Variants in ELMO1 observed in about 807,000 individuals in gnomAD.
ELMO1 encodes the protein engulfment and cell motility 1, also known as engulfment and cell motility protein 1.
In ELMO1, 26 loss-of-function variants were observed where a neutral mutation model predicts 98.9. That is an observed-to-expected ratio of 0.26 (90% CI 0.19 to 0.36). ELMO1 has a LOEUF of 0.36. ELMO1 is among the 10% of genes least tolerant of loss of function. The probability of loss-of-function intolerance (pLI) is 1.00; values close to 1 mark genes in which losing one functional copy is unlikely to be tolerated. For synonymous variants in ELMO1, 346 were observed against 346.0 expected (o/e 1.00, Z 0.00); for missense variants, 627 against 935.2 (o/e 0.67, Z 4.30).
chr7:37,022,115 A>C (rs1434143280), intron 15 of ELMO1, among the ~76,000 whole-genome samples: 1 of 152,194 alleles, frequency 6.6e-6, no homozygotes, highest in Non-Finnish European at 1.5e-5. Flanking sequence ...TTCTGCGTGG[A>C]TTATAGATCT....
At chr7:37,239,340 T>C (rs1464753895) in intron 7 of ELMO1, among the ~76,000 whole-genome samples, 1 of 152,142 alleles carries the variant, frequency 6.6e-6, no homozygotes, top group African/African-American at 2.4e-5. Context: ...AATTTTTTTG[T>C]ATTTTTAGTA....
rs770856089 is a variant in ELMO1 at position 36,853,712 on chromosome 7, G to T, written c.*1839C>A. Among the ~76,000 whole-genome samples the T allele has an allele frequency of 1.3e-5, 2 of 152,210 alleles. No homozygotes were observed. The highest frequency in any genetic ancestry group is 2.9e-5 in the Non-Finnish European group (2 of 68,042). ...AATTGCACATCCTGATGACGGTAAA[G>T]AGAAATGACCTGGATGCTTCCACAG... On this transcript the variant is annotated 3_prime_UTR_variant, in exon 22 of 22. Transcript: ENST00000310758.
chr7:37,001,005 G>A (rs1792631902), intron 16 of ELMO1, among the ~76,000 whole-genome samples: 1 of 151,588 alleles, frequency 6.6e-6, no homozygotes, highest in African/African-American at 2.4e-5. Flanking sequence ...CTTGGAAAAA[G>A]AACAATTCAG....
chr7:37,098,596 C>T (rs1340661585), intron 14 of ELMO1, among the ~76,000 whole-genome samples: 3 of 152,152 alleles, frequency 2.0e-5, no homozygotes, highest in African/African-American at 7.2e-5. Context: ...GGGCTGGCCT[C>T]CCCAAAACAT....
intron 16 of ELMO1, among the ~76,000 whole-genome samples, chr7:36,995,337 G>A (rs1386127614): frequency 6.6e-6 from 1 of 152,040 alleles, no homozygotes; most frequent in African/African-American, 2.4e-5. Flanking sequence ...GTGAAACCCC[G>A]TTTCTACTAG....
rs189431671 is a variant in ELMO1, at chr7:37,068,603, G to A, written c.1300+28016C>T. Among the ~76,000 whole-genome samples the A allele has an allele frequency of 1.8e-3, 280 of 152,232 alleles. 1 individual carries two copies. The highest frequency in any genetic ancestry group is 5.2e-3 in the African/African-American group (215 of 41,554). On this transcript the variant is annotated intron_variant, in intron 15 of 21. Coordinates refer to ENST00000310758, the MANE Select transcript of ELMO1 (RefSeq NM_014800.11). ...AAAAGAACAAAACATTTAGGATACA[G>A]GTAACTCAGAAATTAACATGCAATG... is the stretch of plus-strand genomic sequence containing the variant.
intron 12 of ELMO1, 46 bp downstream of exon 12, chr7:37,213,289 C>T (rs1277782160): frequency 3.1e-6 from 5 of 1,593,588 alleles, no homozygotes; most frequent in African/African-American, 1.3e-5. Flanking sequence ...TTTAATGACA[C>T]TTTCTGTCCT....
chr7:37,424,160 C>T (rs1804608282), intron 1 of ELMO1, among the ~76,000 whole-genome samples: 1 of 152,192 alleles, frequency 6.6e-6, no homozygotes, highest in Non-Finnish European at 1.5e-5. Context: ...TGGTCTTCAT[C>T]AGCCATAAAT....
intron 14 of ELMO1, among the ~76,000 whole-genome samples, chr7:37,122,274 T>G (rs1786111224): frequency 6.6e-6 from 1 of 152,108 alleles, no homozygotes; most frequent in Non-Finnish European, 1.5e-5. Context: ...AGGATCAAAT[T>G]CAAACATAAC....
At chr7:37,375,994 G>T (rs1198067889) in intron 1 of ELMO1, 1 of 538,344 alleles carries the variant, frequency 1.9e-6, no homozygotes, top group Admixed American at 2.7e-5. Flanking sequence ...AGGAGGATTT[G>T]GTTGTGAACA....
intron 16 of ELMO1, among the ~76,000 whole-genome samples, chr7:36,967,789 T>C (rs1584451433): frequency 6.6e-6 from 1 of 152,310 alleles, no homozygotes; most frequent in East Asian, 1.9e-4. Flanking sequence ...ACCTAGCTAA[T>C]ATCTTCTCCC....
intron 16 of ELMO1, among the ~76,000 whole-genome samples, chr7:36,918,776 A>G (rs1350361853): frequency 6.6e-6 from 1 of 152,236 alleles, no homozygotes; most frequent in Non-Finnish European, 1.5e-5. Context: ...AAAATATATG[A>G]TTAGTGTATA....
intron 13 of ELMO1, among the ~76,000 whole-genome samples, chr7:37,203,146 C>G (rs935225534): frequency 6.6e-6 from 1 of 152,196 alleles, no homozygotes; most frequent in Non-Finnish European, 1.5e-5. Flanking sequence ...ATTTAGTGGC[C>G]TTTATTGACA....
intron 16 of ELMO1, among the ~76,000 whole-genome samples, chr7:36,937,786 T>C (rs1786676840): frequency 6.6e-6 from 1 of 152,242 alleles, no homozygotes; most frequent in African/African-American, 2.4e-5. Flanking sequence ...CTCAGTCTTT[T>C]TATTTGAATA....
At chr7:37,060,175 T>C (rs2129212507) in intron 15 of ELMO1, among the ~76,000 whole-genome samples, 1 of 152,288 alleles carries the variant, frequency 6.6e-6, no homozygotes, top group Admixed American at 6.5e-5. Flanking sequence ...AGAGGCAAAG[T>C]GAAAGTTTAA....
At chr7:37,437,461 G>A (rs930901361) in intron 1 of ELMO1, among the ~76,000 whole-genome samples, 1 of 152,148 alleles carries the variant, frequency 6.6e-6, no homozygotes, top group Non-Finnish European at 1.5e-5. Flanking sequence ...ATCCCCGTCT[G>A]TATTTTAACA....
At chr7:37,324,145 C>T (rs1319758225) in intron 2 of ELMO1, among the ~76,000 whole-genome samples, 2 of 152,196 alleles carry the variant, frequency 1.3e-5, no homozygotes, top group Non-Finnish European at 2.9e-5. Flanking sequence ...CTGGCAGGCC[C>T]TGGCTGCGCA....
intron 8 of ELMO1, 120 bp from the exon 9 acceptor site, chr7:37,225,150 C>T: frequency 3.4e-6 from 4 of 1,183,490 alleles, no homozygotes; most frequent in South Asian, 1.5e-5. Context: ...TGAGGATGAC[C>T]TGGAATTACA....
intron 1 of ELMO1, among the ~76,000 whole-genome samples, chr7:37,446,344 T>C (rs1371740031): frequency 6.6e-6 from 1 of 152,152 alleles, no homozygotes; most frequent in Non-Finnish European, 1.5e-5. Flanking sequence ...AATGACTGTA[T>C]AATGCCAGGG....
Sources: allele counts gnomAD v4.1 joint callset (sites outside exome capture counted in the v4.1 genomes callset), GRCh38; gene constraint gnomAD v4.1.1; transcripts MANE v1.5; gene names NCBI Gene and HGNC (gene_info 2026-07-23, HGNC 2026-07-21).